Variants in DAPK2 observed in about 807,000 individuals in gnomAD.
The protein encoded by DAPK2 is death associated protein kinase 2, also known as death-associated protein kinase 2.
DAPK2 carries 35 observed loss-of-function variants against 44.1 expected under a neutral mutation model. The ratio of observed to expected loss-of-function variants is 0.79; its 90% CI spans 0.61 to 1.05. DAPK2 has a LOEUF of 1.05. Among genes scored for constraint, DAPK2 ranks in the 50% least tolerant of loss-of-function variants. DAPK2 has a pLI of 0.00. For missense variants in DAPK2, 453 were observed against 483.2 expected, an observed-to-expected ratio of 0.94 and a Z score of 0.59; for synonymous variants, 174 against 182.6, an observed-to-expected ratio of 0.95 and a Z score of 0.38.
chr15:63,957,200 T>G (rs1054823648), intron 3 of DAPK2, among the ~76,000 whole-genome samples: 1 of 152,232 alleles, frequency 6.6e-6, no homozygotes, highest in Non-Finnish European at 1.5e-5. Context: ...GTTTTTATCC[T>G]GAAATCTATT....
chr15:64,037,583 A>G (rs2080244023), intron 1 of DAPK2, among the ~76,000 whole-genome samples: 1 of 152,170 alleles, frequency 6.6e-6, no homozygotes. Context: ...CACTGCTTGG[A>G]TGGTGCGTGG....
At chr15:63,929,654 A>C (rs2079457290) in intron 5 of DAPK2, 77 bp from the exon 7 acceptor site, 1 of 1,586,382 alleles carries the variant, frequency 6.3e-7, no homozygotes, top group Non-Finnish European at 8.6e-7. Flanking sequence ...TCATGGATCT[A>C]AGGGGAAGAG....
At chr15:63,972,054 A>G (rs1457477661) in intron 2 of DAPK2, among the ~76,000 whole-genome samples, 2 of 152,240 alleles carry the variant, frequency 1.3e-5, no homozygotes, top group African/African-American at 2.4e-5. Flanking sequence ...AAGAGACCCC[A>G]GAGGGCTTAC....
chr15:64,038,268 G>A (rs1040569748), intron 1 of DAPK2, among the ~76,000 whole-genome samples: 6 of 152,168 alleles, frequency 3.9e-5, no homozygotes, highest in African/African-American at 1.4e-4. Flanking sequence ...CATCTTGCTC[G>A]TCTTTGTACC....
chr15:64,043,193 C>T (rs914080299), upstream of DAPK2, among the ~76,000 whole-genome samples: 56 of 152,178 alleles, frequency 3.7e-4, 1 homozygote, highest in Admixed American at 2.7e-3. Flanking sequence ...CTCTCAAACA[C>T]TGCTGGGAGG....
chr15:64,022,113 C>T (rs1027084839), intron 1 of DAPK2, among the ~76,000 whole-genome samples: 3 of 152,174 alleles, frequency 2.0e-5, no homozygotes, highest in African/African-American at 7.2e-5. Flanking sequence ...ATTAGAAACA[C>T]AAACCACAGG....
At position 64,020,270 on chromosome 15, in the gene DAPK2, C is replaced by T. The variant is rs993037938; in HGVS notation, c.92+19900G>A. On this transcript the variant is annotated intron_variant, in intron 1 of 10. Transcript: ENST00000261891. This position sits in a 1 kb window ranked among gnomAD's most constrained non-coding sequence, Gnocchi z 4.5. ...AAAGCCAGGACCCCTTTCTCTCCCACGCCAGCACACTCTTATTGCACTACC... is the reference window on the plus strand; with the variant it reads ...AAAGCCAGGACCCCTTTCTCTCCCATGCCAGCACACTCTTATTGCACTACC... Among the ~76,000 whole-genome samples, 9 of 152,208 alleles carry T rather than the reference C, an allele frequency of 5.9e-5. No homozygotes were observed. The highest frequency in any genetic ancestry group is 1.3e-4 in the Admixed American group (2 of 15,284).
intron 3 of DAPK2, among the ~76,000 whole-genome samples, chr15:63,946,026 A>G (rs763229268): frequency 6.6e-6 from 1 of 152,140 alleles, no homozygotes; most frequent in African/African-American, 2.4e-5. Flanking sequence ...CTTCACCCAC[A>G]TACCTGACAT....
chr15:64,044,575 G>A (rs1273704635), upstream of DAPK2, among the ~76,000 whole-genome samples: 1 of 152,108 alleles, frequency 6.6e-6, no homozygotes, highest in East Asian at 1.9e-4. Context: ...GACCCATCCC[G>A]CTCCTCTTCC....
At chr15:63,978,236 C>A (rs1204444179) in intron 2 of DAPK2, among the ~76,000 whole-genome samples, 2 of 152,142 alleles carry the variant, frequency 1.3e-5, no homozygotes, top group Non-Finnish European at 2.9e-5. Flanking sequence ...TCTGCAGTGC[C>A]CCCTCTGAAA....
intron 10 of DAPK2, chr15:63,909,434 T>C (rs1360137398): frequency 3.3e-5 from 5 of 152,128 alleles, no homozygotes; most frequent in African/African-American, 4.8e-5. Context: ...TTTGAGCTGA[T>C]GGTGCTTGCT....
Position 63,990,792 on chromosome 15 carries a change from C to G in DAPK2, c.93-7038G>C, listed in dbSNP as rs2078796970. ...GGGCAGGGATAATGCTTAGGAACTT[C>G]CAGCCAAGGACCTTCAGCCAATGTG... is the stretch of plus-strand genomic sequence containing the variant. On this transcript the variant is annotated intron_variant, in intron 1 of 10. Transcript: ENST00000261891. The surrounding 1 kb of genome is among the most constrained non-coding windows in gnomAD (Gnocchi z 4.3). Among the ~76,000 whole-genome samples the G allele has an allele frequency of 2.0e-5, 3 of 152,208 alleles. No homozygotes were observed. Among genetic ancestry groups the G allele is most frequent in the Non-Finnish European group, 2.9e-5 (2 of 68,040 alleles).
At chr15:63,995,146 C>T (rs1161054486) in intron 1 of DAPK2, among the ~76,000 whole-genome samples, 2 of 152,086 alleles carry the variant, frequency 1.3e-5, no homozygotes, top group Admixed American at 6.5e-5. Flanking sequence ...TAAATACACA[C>T]ATGTATAAAT....
At chr15:63,978,631 C>T (rs948607249) in intron 2 of DAPK2, among the ~76,000 whole-genome samples, 1 of 152,192 alleles carries the variant, frequency 6.6e-6, no homozygotes, top group Non-Finnish European at 1.5e-5. Flanking sequence ...GGGACATTCA[C>T]ATTAATGCTC....
intron 2 of DAPK2, among the ~76,000 whole-genome samples, chr15:63,973,027 G>A (rs772551597): frequency 1.3e-5 from 2 of 152,208 alleles, no homozygotes; most frequent in African/African-American, 4.8e-5. Context: ...GGTGAAAAGA[G>A]GGGTGTCCCT....
chr15:63,931,814 C>T (rs748198708), intron 4 of DAPK2, among the ~76,000 whole-genome samples: 21 of 152,126 alleles, frequency 1.4e-4, no homozygotes, highest in Non-Finnish European at 2.8e-4. Flanking sequence ...AGAGATCAAG[C>T]AGATAATCCC....
At chr15:63,996,605 A>G (rs2078954831) in intron 1 of DAPK2, among the ~76,000 whole-genome samples, 1 of 152,162 alleles carries the variant, frequency 6.6e-6, no homozygotes, top group African/African-American at 2.4e-5. Context: ...AATTCTTAAC[A>G]TGCATGAGCA....
chr15:63,938,689 G>C (rs1217775486), intron 4 of DAPK2, among the ~76,000 whole-genome samples: 1 of 152,206 alleles, frequency 6.6e-6, no homozygotes, highest in Admixed American at 6.5e-5. Context: ...GTACAGAATG[G>C]GCAGGGGCCT....
At chr15:63,943,196 G>A (rs1402398188) in intron 3 of DAPK2, among the ~76,000 whole-genome samples, 2 of 151,860 alleles carry the variant, frequency 1.3e-5, no homozygotes, top group Non-Finnish European at 2.9e-5. Context: ...GGCAGAGGCA[G>A]GAGGATTGCT....
Sources: allele counts gnomAD v4.1 joint callset (sites outside exome capture counted in the v4.1 genomes callset), GRCh38; gene constraint gnomAD v4.1.1; non-coding constraint Gnocchi (gnomAD v3.1); transcripts MANE v1.5; gene names NCBI Gene and HGNC (gene_info 2026-07-23, HGNC 2026-07-21).